ASPRV1: variants seen among roughly 807,000 people sequenced by gnomAD.
The protein encoded by ASPRV1 is aspartic peptidase retroviral like 1, also known as retroviral-like aspartic protease 1.
Under a neutral mutation model 11.0 loss-of-function variants are expected in ASPRV1, and 7 were observed. The observed-to-expected ratio is 0.64, with a 90% CI of 0.36 to 1.20. The LOEUF is 1.20. Among genes scored for constraint, ASPRV1 ranks in the 50% most tolerant of loss-of-function variants. The pLI, the probability that ASPRV1 is intolerant of heterozygous loss-of-function variation, is 0.02. For missense variants in ASPRV1, 299 were observed against 320.0 expected (o/e 0.93, Z 0.50); for synonymous variants, 136 against 138.4 (o/e 0.98, Z 0.12).
At chr2:69,993,502 C>A in the ASPRV1 span, 2 of 152,126 alleles carry the variant, frequency 1.3e-5, no homozygotes, top group African/African-American at 4.8e-5. Context: ...GCCCCCTGAA[C>A]CTGAGATCAC....
the ASPRV1 span, chr2:70,083,821 T>C: frequency 2.6e-5 from 4 of 152,112 alleles, no homozygotes; most frequent in Non-Finnish European, 5.9e-5. Flanking sequence ...CCCTTAGAGA[T>C]CATTTAATCT....
At chr2:70,037,779 C>G in the ASPRV1 span, among the ~76,000 whole-genome samples, 1 of 151,454 alleles carries the variant, frequency 6.6e-6, no homozygotes, top group Admixed American at 6.6e-5. Flanking sequence ...TAGTTTCTGC[C>G]TTTAGTGCCA....
At chr2:69,976,414 G>C in the ASPRV1 span, 1 of 152,282 alleles carries the variant, frequency 6.6e-6, no homozygotes, top group African/African-American at 2.4e-5. Context: ...GTCAGTGCTG[G>C]AGCCACCTAC....
At chr2:70,028,292 A>G in the ASPRV1 span, 1 of 152,142 alleles carries the variant, frequency 6.6e-6, no homozygotes, top group Non-Finnish European at 1.5e-5. Flanking sequence ...CGAGAAGACA[A>G]CTTTCTAGTA....
At chr2:69,995,569 C>G in the ASPRV1 span, among the ~76,000 whole-genome samples, 6 of 152,072 alleles carry the variant, frequency 3.9e-5, no homozygotes, top group Non-Finnish European at 8.8e-5. Flanking sequence ...TGCCACCTTA[C>G]CCTCAGTTGG....
the ASPRV1 span, among the ~76,000 whole-genome samples, chr2:69,952,162 C>G: frequency 6.6e-6 from 1 of 152,174 alleles, no homozygotes; most frequent in Non-Finnish European, 1.5e-5. Flanking sequence ...GCAAATTAAC[C>G]TCTCCCAATC....
chr2:69,948,608 C>T, the ASPRV1 span, among the ~76,000 whole-genome samples: 3 of 152,098 alleles, frequency 2.0e-5, no homozygotes, highest in African/African-American at 7.2e-5. Flanking sequence ...CCACGGAGGG[C>T]GGTGCTGAAT....
At chr2:70,014,796 C>CAAA in the ASPRV1 span, among the ~76,000 whole-genome samples, 138 of 73,892 alleles carry the variant, frequency 1.9e-3, 1 homozygote, top group Middle Eastern at 9.3e-3. Context: ...GACCTTGTCT[C>CAAA]AAAAAAAAAA....
At chr2:70,074,393 A>G in the ASPRV1 span, among the ~76,000 whole-genome samples, 7 of 150,602 alleles carry the variant, frequency 4.6e-5, no homozygotes, top group South Asian at 1.3e-3. Flanking sequence ...GGTTCACGCG[A>G]TTCTCCTGCC....
chr2:69,985,483 T>C, the ASPRV1 span, among the ~76,000 whole-genome samples: 2 of 152,190 alleles, frequency 1.3e-5, no homozygotes. Flanking sequence ...CTTGGTTGTG[T>C]CAAGCCTTTG....
At chr2:70,011,220 G>A in the ASPRV1 span, among the ~76,000 whole-genome samples, 6 of 151,886 alleles carry the variant, frequency 4.0e-5, no homozygotes, top group Non-Finnish European at 7.4e-5. Flanking sequence ...CCTGTGACAC[G>A]AGTTTAACTA....
At chr2:69,983,585 GGT>G in the ASPRV1 span, among the ~76,000 whole-genome samples, 17 of 152,112 alleles carry the variant, frequency 1.1e-4, no homozygotes, top group Admixed American at 8.5e-4. Flanking sequence ...GCAGGGAGAT[GGT>G]GTGTTGAAAT....
the ASPRV1 span, among the ~76,000 whole-genome samples, chr2:70,074,311 CAG>C: frequency 2.7e-5 from 4 of 148,424 alleles, no homozygotes; most frequent in Non-Finnish European, 6.0e-5. Context: ...TTTTTGGAGA[CAG>C]AGTCTTGCTC....
the ASPRV1 span, among the ~76,000 whole-genome samples, chr2:69,979,967 G>A: frequency 7.9e-5 from 12 of 152,178 alleles, no homozygotes; most frequent in African/African-American, 2.7e-4. Context: ...CCCATTTAAT[G>A]GGTGAAAAAA....
At chr2:70,037,168 C>A in the ASPRV1 span, among the ~76,000 whole-genome samples, 1 of 152,206 alleles carries the variant, frequency 6.6e-6, no homozygotes, top group South Asian at 2.1e-4. Context: ...TCCATCTTCC[C>A]CTTCTAGAGG....
the ASPRV1 span, chr2:69,937,480 T>C: frequency 2.3e-6 from 3 of 1,326,622 alleles, no homozygotes; most frequent in Non-Finnish European, 3.0e-6. Flanking sequence ...GGAGGCAGAG[T>C]GTAAGAAGAA....
chr2:69,974,391 C>A, the ASPRV1 span, among the ~76,000 whole-genome samples: 1 of 151,426 alleles, frequency 6.6e-6, no homozygotes, highest in Non-Finnish European at 1.5e-5. Context: ...ATTATTTTTG[C>A]CTTAATATAA....
the ASPRV1 span, among the ~76,000 whole-genome samples, chr2:70,033,772 C>T: frequency 1.3e-5 from 2 of 152,294 alleles, no homozygotes; most frequent in African/African-American, 4.8e-5. Context: ...TATATCAACT[C>T]TCCAGCTCTA....
rs866249998 is a variant in ASPRV1, at chr2:69,961,056, C to A, written c.381G>T (p.Val127=). The change falls in exon 1 of 1, where the codon GTG becomes GTT. Residue 127 remains valine (V), a synonymous_variant. Transcript: ENST00000320256. ...KIGKVPVRFL[V]DSGAQVSVVH... ...CCACAGAGACCTGGGCCCCAGAGTC[C>A]ACCAGGAACCTCACGGGCACTTTGC... The A allele has an allele frequency of 6.2e-7, 1 of 1,613,940 alleles. No homozygotes were observed. Among genetic ancestry groups the A allele is most frequent in the African/African-American group, 1.3e-5 (1 of 74,960 alleles).
Sources: gnomAD v4.1 joint callset for allele counts (sites outside exome capture counted in the v4.1 genomes callset) on GRCh38, gnomAD v4.1.1 for gene constraint, MANE v1.5 for transcripts, NCBI Gene and HGNC (gene_info 2026-07-23, HGNC 2026-07-21) for gene names.